Variants in EGLN1 observed in about 807,000 individuals in gnomAD.
EGLN1 encodes the protein egl-9 family hypoxia inducible factor 1.
Under a neutral mutation model 38.3 loss-of-function variants are expected in EGLN1, and 17 were observed. That is an observed-to-expected ratio of 0.44 (90% CI 0.30 to 0.67). The LOEUF is 0.67. EGLN1 is among the 30% of genes least tolerant of loss of function. The pLI, the probability that EGLN1 is intolerant of heterozygous loss-of-function variation, is 0.08. For synonymous variants in EGLN1, 283 were observed against 257.5 expected, an observed-to-expected ratio of 1.10 and a Z score of -0.95; for missense variants, 477 against 603.3, an observed-to-expected ratio of 0.79 and a Z score of 2.19.
At position 231,421,894 on chromosome 1, in the gene EGLN1, C is replaced by G; in HGVS notation, c.-6G>C. 7.1e-7 allele frequency: 1 copy of G among 1,412,044 alleles called. No individual in the cohort carries two copies. Among genetic ancestry groups the G allele is most frequent in the South Asian group, 1.5e-5 (1 of 66,582 alleles). The allele number at this position is 1,412,044 out of a possible 1,614,324, so 87.5% of individuals were successfully genotyped here. ...CCGCCGCTGTCATTGGCCATGGCGG[C>G]GGCGGCGGCGGCGACGGCGACTGCG... On this transcript the variant is annotated 5_prime_UTR_variant, in exon 1 of 5. Transcript: ENST00000366641. The surrounding 1 kb of genome is among the most constrained non-coding windows in gnomAD (Gnocchi z 5.5).
At chr1:231,394,356 C>A (rs967493436) in intron 1 of EGLN1, among the ~76,000 whole-genome samples, 1 of 151,100 alleles carries the variant, frequency 6.6e-6, no homozygotes, top group African/African-American at 2.4e-5. Flanking sequence ...TCACCTCTCT[C>A]AGCCATTATT....
At chr1:231,378,180 TGCCAATACCA>T (rs1385955705) in intron 1 of EGLN1, among the ~76,000 whole-genome samples, 1 of 152,098 alleles carries the variant, frequency 6.6e-6, no homozygotes, top group Non-Finnish European at 1.5e-5. Flanking sequence ...CCAATTAACT[TGCCAATACCA>T]GCCCCAGGAA....
chr1:231,399,397 C>T (rs558380165), intron 1 of EGLN1, among the ~76,000 whole-genome samples: 1 of 152,150 alleles, frequency 6.6e-6, no homozygotes, highest in East Asian at 1.9e-4. Context: ...CCCCAGTCTA[C>T]CTGACAGGCC....
intron 1 of EGLN1, among the ~76,000 whole-genome samples, chr1:231,376,706 A>G (rs528219518): frequency 6.6e-6 from 1 of 152,314 alleles, no homozygotes; most frequent in South Asian, 2.1e-4. Context: ...TAGGTAGTGA[A>G]AAGTTGTATT....
Position 231,366,414 on chromosome 1 carries a change from G to C in EGLN1, c.1278C>G (p.Phe426Leu), listed in dbSNP as rs1253206631. Residue 426 changes from phenylalanine (F) to leucine (L), a missense_variant, in exon 5 of 5, where the codon TTC becomes TTG. Coordinates refer to ENST00000366641, the MANE Select transcript of EGLN1 (RefSeq NM_022051.3). ...KPSDSVGKDV[F>L] ...GGGTATTGCTGGATCAAAGGCTCTA[G>C]AAGACGTCTTTACCGACCGAATCTG... 3 of 1,613,648 alleles carry C rather than the reference G, an allele frequency of 1.9e-6. No homozygotes were observed. The African/African-American group carries it at 4.0e-5, about 22-fold the overall frequency.
At chr1:231,383,652 G>C (rs931032337) in intron 1 of EGLN1, among the ~76,000 whole-genome samples, 1 of 152,178 alleles carries the variant, frequency 6.6e-6, no homozygotes, top group Non-Finnish European at 1.5e-5. Context: ...ATGAAGTGCA[G>C]TGTGGAGCAA....
At chr1:231,411,386 T>C (rs1688938688) in intron 1 of EGLN1, among the ~76,000 whole-genome samples, 1 of 152,204 alleles carries the variant, frequency 6.6e-6, no homozygotes, top group Non-Finnish European at 1.5e-5. Context: ...TCTTTATAAA[T>C]TACCCAGTCT....
At position 231,366,193 on chromosome 1, in the gene EGLN1, T is replaced by C; in HGVS notation, c.*218A>G. On this transcript the variant is annotated 3_prime_UTR_variant, in exon 5 of 5. Transcript: ENST00000366641. ...ACCATTTTCAATTAGTAGCTTATCT[T>C]CCTCCTGTAAGCAATCACAGATTTG... 1 of 589,036 alleles carries C rather than the reference T, an allele frequency of 1.7e-6. No individual in the cohort carries two copies. The highest frequency in any genetic ancestry group is 3.0e-6 in the Non-Finnish European group (1 of 332,438). 36.5% of individuals were successfully genotyped at this position (589,036 alleles called of 1,614,324 possible).
At chr1:231,399,870 G>T (rs1337753004) in intron 1 of EGLN1, among the ~76,000 whole-genome samples, 2 of 152,042 alleles carry the variant, frequency 1.3e-5, no homozygotes, top group Non-Finnish European at 2.9e-5. Flanking sequence ...ACAGGAGAGG[G>T]AAAAGGGCAG....
At chr1:231,394,150 C>T (rs953287377) in intron 1 of EGLN1, among the ~76,000 whole-genome samples, 5 of 152,126 alleles carry the variant, frequency 3.3e-5, no homozygotes, top group South Asian at 2.1e-4. Context: ...AATCAACAAA[C>T]GTAGACTAAT....
chr1:231,378,504 C>T (rs1307188507), intron 1 of EGLN1, among the ~76,000 whole-genome samples: 1 of 152,088 alleles, frequency 6.6e-6, no homozygotes, highest in Non-Finnish European at 1.5e-5. Context: ...CGACGTTGCC[C>T]ACGCTGGTCT....
intron 1 of EGLN1, among the ~76,000 whole-genome samples, chr1:231,393,328 TCTATAA>T (rs1365790755): frequency 6.6e-6 from 1 of 152,192 alleles, no homozygotes; most frequent in Non-Finnish European, 1.5e-5. Context: ...TCTGAGAAGC[TCTATAA>T]CACGTCAGGT....
intron 1 of EGLN1, among the ~76,000 whole-genome samples, chr1:231,379,864 C>T (rs1239914798): frequency 6.6e-6 from 1 of 152,212 alleles, no homozygotes; most frequent in African/African-American, 2.4e-5. Flanking sequence ...CAAGAACCTG[C>T]TGTACTGCAC....
chr1:231,408,918 A>G (rs570878944), intron 1 of EGLN1, among the ~76,000 whole-genome samples: 1 of 152,144 alleles, frequency 6.6e-6, no homozygotes, highest in Non-Finnish European at 1.5e-5. Context: ...AGGGACCTGC[A>G]AACAGGTTCC....
intron 1 of EGLN1, among the ~76,000 whole-genome samples, chr1:231,418,788 G>A (rs1448022889): frequency 6.6e-6 from 1 of 151,736 alleles, no homozygotes; most frequent in Non-Finnish European, 1.5e-5. Flanking sequence ...CTTGAGTCCA[G>A]GAGGTGGAAG....
chr1:231,375,254 C>T (rs1252810997), intron 1 of EGLN1, among the ~76,000 whole-genome samples: 1 of 147,262 alleles, frequency 6.8e-6, no homozygotes, highest in Non-Finnish European at 1.5e-5. Flanking sequence ...CAGGGTTTCA[C>T]CATGTTGGCC....
chr1:231,403,888 G>A (rs901986094), intron 1 of EGLN1, among the ~76,000 whole-genome samples: 3 of 147,776 alleles, frequency 2.0e-5, no homozygotes, highest in Admixed American at 6.8e-5. Context: ...TCAAAGTATT[G>A]TATAATTCAA....
chr1:231,421,778 G>A lies in EGLN1; in HGVS notation c.111C>T (p.Arg37=), dbSNP rs1300729681. The stretch of plus-strand genomic sequence containing the variant: ...GCTCCTTGCAGCAGTAGAAGGAGCT[G>A]CGGCAGCGGCTGCAGCGCAGCAGGT... ...MENLLRCSRC[R]SSFYCCKEHQ... is the part of the protein sequence containing the mutation. The change falls in exon 1 of 5, where the codon CGC becomes CGT. Residue 37 remains arginine, a synonymous_variant. Transcript: ENST00000366641. The surrounding 1 kb of genome is among the most constrained non-coding windows in gnomAD (Gnocchi z 5.5). 2 of 1,557,690 alleles carry A rather than the reference G, an allele frequency of 1.3e-6. No homozygotes were observed. The highest frequency in any genetic ancestry group is 1.8e-5 in the Admixed American group (1 of 55,932).
At chr1:231,397,733 A>C (rs1688566304) in intron 1 of EGLN1, among the ~76,000 whole-genome samples, 1 of 152,194 alleles carries the variant, frequency 6.6e-6, no homozygotes, top group Admixed American at 6.5e-5. Flanking sequence ...TAACTTAATA[A>C]ATTAGAATGT....
Sources: allele counts gnomAD v4.1 joint callset (sites outside exome capture counted in the v4.1 genomes callset), GRCh38; gene constraint gnomAD v4.1.1; non-coding constraint Gnocchi (gnomAD v3.1); transcripts MANE v1.5; gene names NCBI Gene and HGNC (gene_info 2026-07-23, HGNC 2026-07-21).